The following STXBP5 variants were observed in gnomAD, a reference collection of about 807,000 sequenced individuals.
STXBP5 encodes syntaxin-binding protein 5.
STXBP5 carries 50 observed loss-of-function variants against 152.4 expected under a neutral mutation model. The observed-to-expected ratio is 0.33, with a 90% CI of 0.26 to 0.42. The LOEUF is 0.42. Among genes scored for constraint, STXBP5 ranks in the 10% least tolerant of loss-of-function variants. The pLI is 1.00. For synonymous variants in STXBP5, 492 were observed against 494.7 expected (o/e 0.99, Z 0.07); for missense variants, 1,167 against 1,388.6 (o/e 0.84, Z 2.54).
intron 16 of STXBP5, among the ~76,000 whole-genome samples, chr6:147,322,834 C>CAAGT (rs1783006313): frequency 6.6e-6 from 1 of 152,104 alleles, no homozygotes; most frequent in Admixed American, 6.5e-5. Context: ...TTTTCTGGTA[C>CAAGT]AAGTATAGCA....
intron 4 of STXBP5, among the ~76,000 whole-genome samples, chr6:147,251,872 A>C (rs1779115001): frequency 6.6e-6 from 1 of 152,188 alleles, no homozygotes; most frequent in South Asian, 2.1e-4. Context: ...TCTGGGATGA[A>C]GCATCCAGAG....
chr6:147,384,515 G>A (rs1313194337), intron 27 of STXBP5, among the ~76,000 whole-genome samples, 199 bp from the exon 28 acceptor site: 1 of 152,024 alleles, frequency 6.6e-6, no homozygotes, highest in Non-Finnish European at 1.5e-5. Flanking sequence ...GGAACTTCTA[G>A]GCTAGTTCTT....
intron 3 of STXBP5, 45 bp downstream of exon 3, chr6:147,235,376 G>A (rs1286884839): frequency 6.8e-7 from 1 of 1,477,068 alleles, no homozygotes. Flanking sequence ...CCAAAATAGG[G>A]CCACTTCTAG....
At chr6:147,314,685 C>G in intron 14 of STXBP5, 49 bp downstream of exon 14, 1 of 1,363,476 alleles carries the variant, frequency 7.3e-7, no homozygotes, top group Non-Finnish European at 1.0e-6. Flanking sequence ...ACAATCACTG[C>G]TTTTATGCAT....
intron 17 of STXBP5, among the ~76,000 whole-genome samples, chr6:147,326,865 A>C (rs573924896): frequency 1.3e-5 from 2 of 152,212 alleles, no homozygotes; most frequent in Non-Finnish European, 1.5e-5. Flanking sequence ...ATCTCTGATC[A>C]AGTTTCAACT....
chr6:147,204,474 C>T lies in STXBP5; in HGVS notation c.-59C>T, dbSNP rs1434813977. 5 of 1,578,360 alleles carry T rather than the reference C, an allele frequency of 3.2e-6. No individual in the cohort carries two copies. Among genetic ancestry groups the T allele is most frequent in the Non-Finnish European group, 3.4e-6 (4 of 1,162,898 alleles). On this transcript the variant is annotated 5_prime_UTR_variant, in exon 1 of 28. Transcript: ENST00000321680. The surrounding 1 kb of genome is among the most constrained non-coding windows in gnomAD (Gnocchi z 4.3). ...CTGCCTTCGGCCCCGGGTGGTCTCC[C>T]CCGCCCGGGGACCCCCTGTGCCTCC...
intron 2 of STXBP5, among the ~76,000 whole-genome samples, chr6:147,214,137 A>G (rs1183675042): frequency 6.6e-6 from 1 of 152,168 alleles, no homozygotes; most frequent in Admixed American, 6.5e-5. Flanking sequence ...AGGTTTCTAT[A>G]CAATACAATT....
intron 21 of STXBP5, among the ~76,000 whole-genome samples, chr6:147,339,724 G>A (rs1386107706): frequency 6.6e-6 from 1 of 151,778 alleles, no homozygotes; most frequent in Admixed American, 6.6e-5. Flanking sequence ...AGTTTTATTT[G>A]TGTTTTTTCT....
In STXBP5 at chr6:147,337,949, C is replaced by T. The variant is rs115377007; in HGVS notation, c.2147-1230C>T. 2.0e-3 allele frequency among the ~76,000 whole-genome samples: 300 copies of T among 152,186 alleles called. 1 individual carries two copies. Among genetic ancestry groups the T allele is most frequent in the African/African-American group, 6.8e-3 (284 of 41,560 alleles). ...TTTTACTCGGTCAGAGAAAAGCTGT[C>T]AAGGACATTCACCACTTGACCAAGG... On this transcript the variant is annotated intron_variant, in intron 19 of 27. Coordinates refer to ENST00000321680, the MANE Select transcript of STXBP5 (RefSeq NM_001127715.4).
In STXBP5 at chr6:147,270,618, T is replaced by C. The variant is rs116643664; in HGVS notation, c.714+3451T>C. On this transcript the variant is annotated intron_variant, in intron 7 of 27. Coordinates refer to ENST00000321680, the MANE Select transcript of STXBP5 (RefSeq NM_001127715.4). Reference sequence around the variant, plus strand: ...TCACTTGCAGACCTCAACTATAAGATATGTTAAAAGAAGTCCTGCATGCAG... The same window carrying C: ...TCACTTGCAGACCTCAACTATAAGACATGTTAAAAGAAGTCCTGCATGCAG... 8.2e-3 allele frequency among the ~76,000 whole-genome samples: 1,240 copies of C among 152,008 alleles called. 20 individuals carry two copies. Among genetic ancestry groups the C allele is most frequent in the African/African-American group, 0.029 (1,190 of 41,442 alleles).
At chr6:147,350,101 TCAA>T (rs1287656139) in intron 21 of STXBP5, among the ~76,000 whole-genome samples, 1 of 152,184 alleles carries the variant, frequency 6.6e-6, no homozygotes, top group Non-Finnish European at 1.5e-5. Flanking sequence ...ATTACTGTAT[TCAA>T]CAATCTTTCC....
chr6:147,239,137 T>C (rs757908034), intron 3 of STXBP5, 33 bp from the exon 4 acceptor site: 1 of 1,566,422 alleles, frequency 6.4e-7, no homozygotes, highest in South Asian at 1.2e-5. Flanking sequence ...TAAAATATAT[T>C]ATACATGAAA....
At position 147,299,229 on chromosome 6, in the gene STXBP5, T is replaced by C. The variant is rs1367054746; in HGVS notation, c.917+8057T>C. On this transcript the variant is annotated intron_variant, in intron 9 of 27. Transcript: ENST00000321680. The stretch of plus-strand genomic sequence containing the variant: ...CAAGAAACTATGATGAATAATTATA[T>C]GCCAACAAATTGAGTAATCTAAAAA... Among the ~76,000 whole-genome samples, 4 of 146,066 alleles carry C rather than the reference T, an allele frequency of 2.7e-5. No individual in the cohort carries two copies. In the East Asian group the frequency reaches 8.5e-4, roughly 31 times the overall value.
intron 4 of STXBP5, among the ~76,000 whole-genome samples, chr6:147,248,420 T>A (rs574512409): frequency 6.6e-6 from 1 of 152,166 alleles, no homozygotes; most frequent in Non-Finnish European, 1.5e-5. Context: ...TTTTAGAGGT[T>A]TATATGAAAA....
At chr6:147,227,033 AG>A (rs1209611894) in intron 2 of STXBP5, among the ~76,000 whole-genome samples, 1 of 152,174 alleles carries the variant, frequency 6.6e-6, no homozygotes, top group Non-Finnish European at 1.5e-5. Flanking sequence ...AGGGTTAGAA[AG>A]AAACCAGTGG....
At chr6:147,253,710 A>G (rs950982889) in intron 4 of STXBP5, among the ~76,000 whole-genome samples, 1 of 152,210 alleles carries the variant, frequency 6.6e-6, no homozygotes, top group Non-Finnish European at 1.5e-5. Flanking sequence ...TACAAAGAGA[A>G]TAAAATACCT....
intron 22 of STXBP5, among the ~76,000 whole-genome samples, chr6:147,356,855 A>G (rs1292958979): frequency 6.6e-6 from 1 of 152,208 alleles, no homozygotes; most frequent in African/African-American, 2.4e-5. Flanking sequence ...CCTTTCTTTC[A>G]CAATAGCATT....
chr6:147,207,319 T>C (rs1582782023), intron 2 of STXBP5, among the ~76,000 whole-genome samples: 1 of 152,218 alleles, frequency 6.6e-6, no homozygotes, highest in Admixed American at 6.5e-5. Flanking sequence ...GGATGGACTA[T>C]TGAACTGTGT....
rs1367146382 is a variant in STXBP5 at position 147,341,716 on chromosome 6, G to A, written c.2254+2332G>A. On this transcript the variant is annotated intron_variant, in intron 21 of 27. Transcript: ENST00000321680. ...TGTGGGTGGGTGGTACAGGATGGCA[G>A]TCACAATTTAATGGTTAACCCAAGC... Among the ~76,000 whole-genome samples the A allele has an allele frequency of 4.0e-5, 6 of 151,722 alleles. No homozygotes were observed. In the East Asian group the frequency reaches 1.2e-3, roughly 29 times the overall value.
Sources: allele counts gnomAD v4.1 joint callset (sites outside exome capture counted in the v4.1 genomes callset), GRCh38; gene constraint gnomAD v4.1.1; non-coding constraint Gnocchi (gnomAD v3.1); transcripts MANE v1.5; gene names NCBI Gene and HGNC (gene_info 2026-07-23, HGNC 2026-07-21).